The following FGF7 variants were observed in gnomAD, a reference collection of about 807,000 sequenced individuals.
FGF7 encodes fibroblast growth factor 7.
A neutral mutation model predicts 20.5 loss-of-function variants in FGF7; 6 were observed. The ratio of observed to expected loss-of-function variants is 0.29; its 90% CI spans 0.16 to 0.58. FGF7 has a LOEUF of 0.58. Among genes scored for constraint, FGF7 ranks in the 20% least tolerant of loss-of-function variants. The pLI, the probability that FGF7 is intolerant of heterozygous loss-of-function variation, is 0.90. For missense variants in FGF7, 144 were observed against 228.8 expected, an observed-to-expected ratio of 0.63 and a Z score of 2.39; for synonymous variants, 64 against 74.7, an observed-to-expected ratio of 0.86 and a Z score of 0.74.
At chr15:49,465,304 CTTT>C (rs67362920) in intron 2 of FGF7, among the ~76,000 whole-genome samples, 1 of 140,598 alleles carries the variant, frequency 7.1e-6, no homozygotes. Context: ...TTTTCTTTTT[CTTT>C]TTTTTTTTTT....
chr15:49,455,090 CAT>C (rs145504903), intron 2 of FGF7, among the ~76,000 whole-genome samples: 3,519 of 152,180 alleles, frequency 0.023, 85 homozygotes, highest in South Asian at 0.13. Context: ...TGTTTTAAAG[CAT>C]ATTCTCTAGG....
intron 2 of FGF7, among the ~76,000 whole-genome samples, chr15:49,433,803 C>CAGCT (rs1311924214): frequency 6.6e-6 from 1 of 151,638 alleles, no homozygotes; most frequent in East Asian, 1.9e-4. Flanking sequence ...ACCTGACTGC[C>CAGCT]AGCTAATCCA....
At chr15:49,457,738 T>A (rs1232786729) in intron 2 of FGF7, among the ~76,000 whole-genome samples, 1 of 151,924 alleles carries the variant, frequency 6.6e-6, no homozygotes, top group Non-Finnish European at 1.5e-5. Context: ...TGACAAGTTT[T>A]GAGGCTTTAT....
chr15:49,479,795 G>A (rs970888238), intron 2 of FGF7, among the ~76,000 whole-genome samples: 1 of 151,814 alleles, frequency 6.6e-6, no homozygotes, highest in Non-Finnish European at 1.5e-5. Flanking sequence ...TGTATTTTTA[G>A]TAGAGATGGG....
chr15:49,438,233 C>T (rs938366586), intron 2 of FGF7, among the ~76,000 whole-genome samples: 1 of 151,678 alleles, frequency 6.6e-6, no homozygotes, highest in Non-Finnish European at 1.5e-5. Context: ...AGTAGAAGCA[C>T]TAACTAATCA....
intron 2 of FGF7, among the ~76,000 whole-genome samples, chr15:49,450,208 C>T (rs568942852): frequency 6.6e-6 from 1 of 152,082 alleles, no homozygotes; most frequent in Non-Finnish European, 1.5e-5. Flanking sequence ...TATCAAGACT[C>T]AAGTGACAGA....
In FGF7 at chr15:49,464,435, C is replaced by T. The variant is rs182076314; in HGVS notation, c.287-18716C>T. On this transcript the variant is annotated intron_variant, in intron 2 of 3. Transcript: ENST00000267843. ...TTTATAAATGATCTAAAAGTATGTA[C>T]GTGTAGTGAAAATTCTAAGTTTGTA... is the stretch of plus-strand genomic sequence containing the variant. Among the ~76,000 whole-genome samples, 279 of 152,216 alleles carry T rather than the reference C, an allele frequency of 1.8e-3. 2 individuals are homozygous for T. Among genetic ancestry groups the T allele is most frequent in the African/African-American group, 6.1e-3 (253 of 41,544 alleles).
At chr15:49,478,533 G>A (rs1824722702) in intron 2 of FGF7, among the ~76,000 whole-genome samples, 2 of 152,134 alleles carry the variant, frequency 1.3e-5, no homozygotes, top group African/African-American at 4.8e-5. Flanking sequence ...ATCATAAAAT[G>A]TATTTAAATT....
At chr15:49,464,305 G>C (rs1298402664) in intron 2 of FGF7, among the ~76,000 whole-genome samples, 1 of 152,046 alleles carries the variant, frequency 6.6e-6, no homozygotes, top group Non-Finnish European at 1.5e-5. Flanking sequence ...GAGAATCACT[G>C]GTTCTTAAAA....
At chr15:49,448,774 C>A (rs551135888) in intron 2 of FGF7, among the ~76,000 whole-genome samples, 2 of 151,776 alleles carry the variant, frequency 1.3e-5, no homozygotes, top group African/African-American at 4.8e-5. Context: ...CCCCCAAATA[C>A]CCAGTAGTCT....
intron 2 of FGF7, among the ~76,000 whole-genome samples, chr15:49,459,911 A>G (rs1220474912): frequency 6.6e-6 from 1 of 152,200 alleles, no homozygotes; most frequent in Non-Finnish European, 1.5e-5. Context: ...AAATGGGCAA[A>G]TGCCACACAT....
Position 49,424,821 on chromosome 15 carries a change from C to T in FGF7, c.286+238C>T, listed in dbSNP as rs1329770018. The T allele has an allele frequency of 1.6e-5, 5 of 308,362 alleles. No homozygotes were observed. The East Asian group carries it at 2.1e-4, about 13-fold the overall frequency. The allele number at this position is 308,362 out of a possible 1,614,324, so 19.1% of individuals were successfully genotyped here. ...ATCCAAGCCAATTTGAAAATATATA[C>T]TCCTTGTCCTGAAAATGCTCATAAG... On this transcript the variant is annotated intron_variant, in intron 2 of 3. Coordinates refer to ENST00000267843, the MANE Select transcript of FGF7 (RefSeq NM_002009.4).
At chr15:49,432,750 T>C (rs547832178) in intron 2 of FGF7, among the ~76,000 whole-genome samples, 4 of 151,794 alleles carry the variant, frequency 2.6e-5, no homozygotes, top group African/African-American at 9.6e-5. Context: ...TAGAGTAATA[T>C]TTTGTGCATG....
intron 2 of FGF7, among the ~76,000 whole-genome samples, chr15:49,476,231 G>GTTTTT (rs1567351795): frequency 1.0e-4 from 3 of 29,100 alleles, no homozygotes; most frequent in Non-Finnish European, 2.3e-4. Context: ...TTTTGTTTTT[G>GTTTTT]GTTTTTTTTT....
At chr15:49,429,759 C>G (rs1022234398) in intron 2 of FGF7, among the ~76,000 whole-genome samples, 33 of 151,802 alleles carry the variant, frequency 2.2e-4, no homozygotes, top group African/African-American at 8.0e-4. Context: ...AAAAGCTTCC[C>G]CAGATAATTC....
At chr15:49,442,857 A>G (rs1172707741) in intron 2 of FGF7, among the ~76,000 whole-genome samples, 1 of 151,752 alleles carries the variant, frequency 6.6e-6, no homozygotes, top group Non-Finnish European at 1.5e-5. Context: ...AGTCACTACA[A>G]TTCACCAAAT....
intron 2 of FGF7, among the ~76,000 whole-genome samples, chr15:49,432,875 A>T (rs886311897): frequency 1.3e-5 from 2 of 151,598 alleles, no homozygotes; most frequent in African/African-American, 4.8e-5. Flanking sequence ...ATGATGCCCA[A>T]CAGCTATTAT....
chr15:49,462,975 TATC>T (rs2151935782), intron 2 of FGF7, among the ~76,000 whole-genome samples: 1 of 152,392 alleles, frequency 6.6e-6, no homozygotes, highest in Non-Finnish European at 1.5e-5. Flanking sequence ...ATTCTCTAAA[TATC>T]AACAATACTT....
chr15:49,424,409 G>C lies in FGF7; in HGVS notation c.112G>C (p.Glu38Gln). The C allele has an allele frequency of 1.9e-6, 3 of 1,613,656 alleles. No homozygotes were observed. Among genetic ancestry groups the C allele is most frequent in the South Asian group, 1.1e-5 (1 of 91,074 alleles). Reference protein sequence around the residue: ...ISLACNDMTPEQMATNVNCSS... With the variant: ...ISLACNDMTPQQMATNVNCSS... ...TTTAGCTTGCAATGACATGACTCCA[G>C]AGCAAATGGCTACAAATGTGAACTG... Residue 38 changes from glutamate (E) to glutamine (Q), a missense_variant, in exon 2 of 4, where the codon GAG (glutamate) becomes CAG (glutamine). Around this residue, in one of 2 missense-constraint regions of FGF7, gnomAD observed 88 missense variants for 103.4 expected, o/e 0.85. Coordinates refer to ENST00000267843, the MANE Select transcript of FGF7 (RefSeq NM_002009.4).
Sources: gnomAD v4.1 joint callset for allele counts (sites outside exome capture counted in the v4.1 genomes callset) on GRCh38, gnomAD v4.1.1 for gene constraint, gnomAD v4.1.1 regional missense constraint, MANE v1.5 for transcripts, NCBI Gene and HGNC (gene_info 2026-07-23, HGNC 2026-07-21) for gene names.